DYM: variants seen among roughly 807,000 people sequenced by gnomAD.
The protein encoded by DYM is dyggve-Melchior-Clausen syndrome protein.
A neutral mutation model predicts 93.1 loss-of-function variants in DYM; 78 were observed. That is an observed-to-expected ratio of 0.84 (90% CI 0.70 to 1.01). The LOEUF (loss-of-function observed/expected upper bound fraction) is 1.01. Among genes scored for constraint, DYM ranks in the 50% least tolerant of loss-of-function variants. DYM has a pLI of 0.00. For synonymous variants in DYM, 321 were observed against 319.7 expected (o/e 1.00, Z -0.04); for missense variants, 789 against 845.0 (o/e 0.93, Z 0.82).
intron 8 of DYM, among the ~76,000 whole-genome samples, chr18:49,331,431 T>A (rs376857983): frequency 1.3e-5 from 2 of 152,242 alleles, no homozygotes; most frequent in African/African-American, 4.8e-5. Flanking sequence ...TATTCAGTTG[T>A]CACTGAAGAA....
chr18:49,284,479 A>G (rs1449955441), intron 9 of DYM, among the ~76,000 whole-genome samples: 5 of 152,236 alleles, frequency 3.3e-5, no homozygotes, highest in Non-Finnish European at 7.3e-5. Flanking sequence ...CCTGAGCAAC[A>G]AGAGTAACAT....
intron 8 of DYM, among the ~76,000 whole-genome samples, chr18:49,320,217 C>T (rs2062358547): frequency 6.6e-6 from 1 of 152,108 alleles, no homozygotes; most frequent in African/African-American, 2.4e-5. Context: ...CTGAAATTTA[C>T]AACAGTAATT....
chr18:49,428,269 A>C (rs1255015558), intron 2 of DYM, among the ~76,000 whole-genome samples: 3 of 151,932 alleles, frequency 2.0e-5, no homozygotes, highest in Non-Finnish European at 1.5e-5. Context: ...TGGGTAACAG[A>C]GCAAGACCCC....
At chr18:49,084,179 T>G (rs1373392347) in intron 17 of DYM, among the ~76,000 whole-genome samples, 2 of 152,220 alleles carry the variant, frequency 1.3e-5, no homozygotes, top group African/African-American at 4.8e-5. Context: ...ATGCTGTATT[T>G]ATATTTTCAT....
intron 6 of DYM, among the ~76,000 whole-genome samples, chr18:49,347,639 T>G (rs2064713353): frequency 6.6e-6 from 1 of 152,190 alleles, no homozygotes; most frequent in African/African-American, 2.4e-5. Flanking sequence ...CTAATGGCAT[T>G]TCCTCCCGTA....
At chr18:49,044,327 G>C (rs553296576) in intron 17 of DYM, 123 bp from the exon 18 acceptor site, 20 of 1,016,174 alleles carry the variant, frequency 2.0e-5, no homozygotes, top group South Asian at 5.1e-5. Context: ...CTGGTCACAG[G>C]GCATGAAAGC....
At chr18:49,112,124 G>GCACCCCCCTCCTCTCCA (rs1461707829) in intron 16 of DYM, among the ~76,000 whole-genome samples, 66 of 151,300 alleles carry the variant, frequency 4.4e-4, no homozygotes, top group Non-Finnish European at 6.8e-4. Flanking sequence ...CCTCCTCTCC[G>GCACCCCCCTCCTCTCCA]CACCCCCCTC....
chr18:49,417,615 GA>G (rs1175824772), intron 2 of DYM, among the ~76,000 whole-genome samples: 1 of 151,876 alleles, frequency 6.6e-6, no homozygotes, highest in African/African-American at 2.4e-5. Flanking sequence ...TATAACTGAT[GA>G]AAAAAAGCAC....
chr18:49,146,348 A>C (rs2085137441), intron 15 of DYM, among the ~76,000 whole-genome samples: 1 of 152,218 alleles, frequency 6.6e-6, no homozygotes, highest in South Asian at 2.1e-4. Context: ...TGGCCAGGGC[A>C]ATTAGGCAGG....
intron 13 of DYM, among the ~76,000 whole-genome samples, chr18:49,211,216 C>T (rs2092767543): frequency 6.6e-6 from 1 of 152,006 alleles, no homozygotes. Flanking sequence ...AAGCGAACAA[C>T]ATAGTAAAAA....
chr18:49,332,880 T>C (rs1030554087), intron 7 of DYM, among the ~76,000 whole-genome samples: 1 of 152,202 alleles, frequency 6.6e-6, no homozygotes, highest in African/African-American at 2.4e-5. Flanking sequence ...AGTCCCACGA[T>C]GCCAGCACTA....
chr18:49,366,210 A>G (rs1053333674), intron 5 of DYM, among the ~76,000 whole-genome samples: 21 of 152,310 alleles, frequency 1.4e-4, no homozygotes, highest in African/African-American at 5.1e-4. Context: ...AGCCATTCAT[A>G]TTGCATTATT....
chr18:49,307,095 C>A (rs371870465), intron 8 of DYM, among the ~76,000 whole-genome samples: 4 of 152,046 alleles, frequency 2.6e-5, no homozygotes, highest in East Asian at 1.9e-4. Context: ...TTCTGATAAT[C>A]ACTTCTGCAA....
chr18:49,137,147 A>G (rs1427789027), intron 15 of DYM, among the ~76,000 whole-genome samples: 1 of 152,190 alleles, frequency 6.6e-6, no homozygotes, highest in African/African-American at 2.4e-5. Context: ...CCACCACAGC[A>G]TATCTTCTGC....
intron 10 of DYM, among the ~76,000 whole-genome samples, chr18:49,273,636 A>G (rs910320628): frequency 1.3e-5 from 2 of 152,166 alleles, no homozygotes; most frequent in Non-Finnish European, 2.9e-5. Context: ...AACATGATGT[A>G]CAGGTTTATG....
intron 14 of DYM, among the ~76,000 whole-genome samples, 193 bp from the exon 15 acceptor site, chr18:49,163,980 A>T (rs2087539675): frequency 6.6e-6 from 1 of 152,198 alleles, no homozygotes; most frequent in African/African-American, 2.4e-5. Flanking sequence ...GAGGATGTTT[A>T]AATCATAAGA....
rs367684367 is a variant in DYM, at chr18:49,330,846, A to C, written c.763+1018T>G. On this transcript the variant is annotated intron_variant, in intron 8 of 17. Transcript: ENST00000675505. ...TGGCACTCTTGGCAGGCTGCTCAGC[A>C]CCAAAGGCAGAAGTGATCACAAGTG... Among the ~76,000 whole-genome samples the C allele has an allele frequency of 5.3e-5, 8 of 152,356 alleles. No individual in the cohort carries two copies. In the East Asian group the frequency reaches 1.3e-3, roughly 26 times the overall value.
chr18:49,351,866 A>T (rs1012803906), intron 6 of DYM, among the ~76,000 whole-genome samples: 6 of 152,234 alleles, frequency 3.9e-5, no homozygotes, highest in African/African-American at 1.4e-4. Flanking sequence ...TTTAAAGAAT[A>T]TCAGGCAACT....
chr18:49,213,221 G>A (rs1385608147), intron 13 of DYM, among the ~76,000 whole-genome samples: 1 of 151,434 alleles, frequency 6.6e-6, no homozygotes. Flanking sequence ...ATTCCAAGGT[G>A]AAGTTTTCTA....
Sources: gnomAD v4.1 joint callset for allele counts (sites outside exome capture counted in the v4.1 genomes callset) on GRCh38, gnomAD v4.1.1 for gene constraint, MANE v1.5 for transcripts, NCBI Gene and HGNC (gene_info 2026-07-23, HGNC 2026-07-21) for gene names.